Variants in THSD7A observed in about 807,000 individuals in gnomAD.
THSD7A encodes the protein thrombospondin type-1 domain-containing protein 7A.
THSD7A carries 96 observed loss-of-function variants against 231.3 expected under a neutral mutation model. The ratio of observed to expected loss-of-function variants is 0.41; its 90% CI spans 0.35 to 0.49. The LOEUF (loss-of-function observed/expected upper bound fraction) is 0.49. THSD7A is among the 20% of genes least tolerant of loss of function. The pLI is 0.05. For missense variants in THSD7A, 2,290 were observed against 2,070.2 expected (o/e 1.11, Z -2.06); for synonymous variants, 940 against 743.3 (o/e 1.26, Z -4.30).
chr7:11,585,172 C>T (rs1791346341), intron 4 of THSD7A, among the ~76,000 whole-genome samples: 1 of 152,204 alleles, frequency 6.6e-6, no homozygotes, highest in Admixed American at 6.5e-5. Flanking sequence ...AAAACTCTTA[C>T]ATTACCTCTG....
At chr7:11,739,799 C>G (rs1782044735) in intron 1 of THSD7A, among the ~76,000 whole-genome samples, 1 of 151,832 alleles carries the variant, frequency 6.6e-6, no homozygotes, top group Non-Finnish European at 1.5e-5. Context: ...CCCTGCTTTC[C>G]CCAGAAAGCA....
chr7:11,732,917 C>T (rs1009795307), intron 1 of THSD7A, among the ~76,000 whole-genome samples: 11 of 151,796 alleles, frequency 7.2e-5, no homozygotes, highest in Non-Finnish European at 1.5e-4. Context: ...CCCTGTACCA[C>T]TTATTAGCAT....
At chr7:11,539,123 G>A (rs1207426079) in intron 6 of THSD7A, among the ~76,000 whole-genome samples, 1 of 152,066 alleles carries the variant, frequency 6.6e-6, no homozygotes, top group African/African-American at 2.4e-5. Context: ...AATTCCCTGG[G>A]CCCAATTTAA....
intron 1 of THSD7A, among the ~76,000 whole-genome samples, chr7:11,696,768 G>A (rs1490499202): frequency 6.6e-6 from 1 of 151,386 alleles, no homozygotes; most frequent in African/African-American, 2.4e-5. Context: ...GGGTGTTCCT[G>A]TATCTTACAG....
chr7:11,526,486 C>A (rs1445674710), intron 6 of THSD7A, among the ~76,000 whole-genome samples: 1 of 152,130 alleles, frequency 6.6e-6, no homozygotes, highest in African/African-American at 2.4e-5. Context: ...TACATATTTT[C>A]CCATCTCCAA....
intron 1 of THSD7A, among the ~76,000 whole-genome samples, chr7:11,745,938 G>A (rs1201605957): frequency 6.6e-6 from 1 of 151,910 alleles, no homozygotes; most frequent in African/African-American, 2.4e-5. Context: ...GCTCTTTTTT[G>A]GTTCCATATG....
intron 2 of THSD7A, among the ~76,000 whole-genome samples, chr7:11,628,788 C>A (rs1781556742): frequency 6.6e-6 from 1 of 152,234 alleles, no homozygotes; most frequent in African/African-American, 2.4e-5. Context: ...CTAACAATGA[C>A]ATAGAAGCAG....
chr7:11,429,140 A>G lies in THSD7A; in HGVS notation c.3065-15T>C. On this transcript the variant is annotated splice_polypyrimidine_tract_variant and intron_variant, in intron 13 of 27. Transcript: ENST00000423059. ...CTCAATGTAACCTGAGTAGAGGAAAATGAGACAAGAATCATCTCCTCCACC... is the reference window on the plus strand; with the variant it reads ...CTCAATGTAACCTGAGTAGAGGAAAGTGAGACAAGAATCATCTCCTCCACC... The G allele has an allele frequency of 6.5e-7, 1 of 1,545,922 alleles. No individual in the cohort carries two copies. The highest frequency in any genetic ancestry group is 8.7e-7 in the Non-Finnish European group (1 of 1,150,268).
Position 11,388,395 on chromosome 7 carries a change from G to A in THSD7A, c.4412-5779C>T, listed in dbSNP as rs911268303. ...GAACTTGTCGTCTATTCAGGGATTCGACTTCTTCCTGGTTTAGACTTTGGA... is the reference window on the plus strand; with the variant it reads ...GAACTTGTCGTCTATTCAGGGATTCAACTTCTTCCTGGTTTAGACTTTGGA... On this transcript the variant is annotated intron_variant, in intron 23 of 27. Transcript: ENST00000423059. Among the ~76,000 whole-genome samples the A allele has an allele frequency of 3.9e-5, 6 of 151,972 alleles. 1 individual carries two copies. The highest frequency in any genetic ancestry group is 4.1e-4 in the South Asian group (2 of 4,826).
At chr7:11,482,248 A>G (rs532628898) in intron 6 of THSD7A, among the ~76,000 whole-genome samples, 2 of 152,304 alleles carry the variant, frequency 1.3e-5, no homozygotes, top group African/African-American at 4.8e-5. Context: ...GACGATTCTT[A>G]TGCCACAGAC....
intron 1 of THSD7A, among the ~76,000 whole-genome samples, chr7:11,762,529 T>A (rs914647411): frequency 6.6e-6 from 1 of 152,184 alleles, no homozygotes; most frequent in Non-Finnish European, 1.5e-5. Context: ...TCAGGTGTCT[T>A]CTTCTGAGAA....
At chr7:11,506,016 G>C (rs572046026) in intron 6 of THSD7A, among the ~76,000 whole-genome samples, 1 of 152,306 alleles carries the variant, frequency 6.6e-6, no homozygotes, top group South Asian at 2.1e-4. Flanking sequence ...TAGACAAAAA[G>C]AGGTAAAGAG....
chr7:11,431,387 T>C (rs1397634026), intron 13 of THSD7A, among the ~76,000 whole-genome samples: 2 of 152,170 alleles, frequency 1.3e-5, no homozygotes, highest in African/African-American at 4.8e-5. Flanking sequence ...TGATAAAAGG[T>C]AGGGGTCCAA....
chr7:11,827,414 T>C (rs1785064007), intron 1 of THSD7A, among the ~76,000 whole-genome samples: 1 of 152,246 alleles, frequency 6.6e-6, no homozygotes, highest in Admixed American at 6.5e-5. Context: ...TGATATTTTC[T>C]AAAATATTTT....
intron 15 of THSD7A, among the ~76,000 whole-genome samples, chr7:11,425,118 G>A (rs974390458): frequency 1.3e-5 from 2 of 152,056 alleles, no homozygotes; most frequent in South Asian, 2.1e-4. Flanking sequence ...TTAACACACC[G>A]TATTGTAACT....
intron 4 of THSD7A, among the ~76,000 whole-genome samples, chr7:11,577,630 T>G (rs969511305): frequency 5.3e-5 from 8 of 151,178 alleles, no homozygotes; most frequent in Admixed American, 4.0e-4. Flanking sequence ...AAACCCTATG[T>G]TTTTATGTAT....
chr7:11,438,546 A>G (rs1293802883), intron 13 of THSD7A, among the ~76,000 whole-genome samples: 1 of 152,076 alleles, frequency 6.6e-6, no homozygotes, highest in Non-Finnish European at 1.5e-5. Context: ...TACTAGGCAA[A>G]GAGAGAAAAC....
intron 1 of THSD7A, among the ~76,000 whole-genome samples, chr7:11,733,639 T>C (rs1033809178): frequency 6.6e-6 from 1 of 151,762 alleles, no homozygotes; most frequent in African/African-American, 2.4e-5. Flanking sequence ...GAAGTGAAGA[T>C]CTGAAGCATT....
chr7:11,603,578 C>T (rs1270264792), intron 2 of THSD7A, among the ~76,000 whole-genome samples: 2 of 151,688 alleles, frequency 1.3e-5, no homozygotes, highest in African/African-American at 2.4e-5. Context: ...CACATGCACA[C>T]GTATGTTTAT....
Sources: gnomAD v4.1 joint callset for allele counts (sites outside exome capture counted in the v4.1 genomes callset) on GRCh38, gnomAD v4.1.1 for gene constraint, MANE v1.5 for transcripts, NCBI Gene and HGNC (gene_info 2026-07-23, HGNC 2026-07-21) for gene names.